Variants in STMN2 observed in about 807,000 individuals in gnomAD.
STMN2 encodes stathmin-2.
STMN2 carries 2 observed loss-of-function variants against 24.1 expected under a neutral mutation model. The observed-to-expected ratio is 0.08, with a 90% CI of 0.03 to 0.26. The LOEUF is 0.26. Ranked by LOEUF, STMN2 falls within the 10% of genes least tolerant of loss-of-function variation. The pLI is 1.00. For missense variants in STMN2, 114 were observed against 213.6 expected (o/e 0.53, Z 2.91); for synonymous variants, 83 against 77.5 (o/e 1.07, Z -0.37).
At chr8:79,622,516 T>G (rs981723095) in intron 1 of STMN2, among the ~76,000 whole-genome samples, 4 of 152,184 alleles carry the variant, frequency 2.6e-5, no homozygotes, top group African/African-American at 9.6e-5. Flanking sequence ...GCAGCCAATA[T>G]AGTATATCTC....
At chr8:79,658,856 A>G (rs956800059) in intron 4 of STMN2, among the ~76,000 whole-genome samples, 7 of 152,218 alleles carry the variant, frequency 4.6e-5, no homozygotes, top group Non-Finnish European at 7.3e-5. Flanking sequence ...CTGAAAGCCT[A>G]AAGCAAAAGC....
intron 3 of STMN2, among the ~76,000 whole-genome samples, chr8:79,649,341 A>T (rs1051152720): frequency 2.6e-5 from 4 of 152,122 alleles, no homozygotes; most frequent in African/African-American, 9.7e-5. Flanking sequence ...CCTAGGAGCT[A>T]ACCACAGTAA....
chr8:79,612,960 C>G (rs1403834014), intron 1 of STMN2, among the ~76,000 whole-genome samples: 3 of 152,138 alleles, frequency 2.0e-5, no homozygotes. Context: ...GCCCCAGCAC[C>G]GAGCCCCTCC....
At chr8:79,628,722 A>T (rs2201527) in intron 1 of STMN2, among the ~76,000 whole-genome samples, 100,724 of 151,934 alleles carry the variant, frequency 0.66, 33,999 homozygotes, top group African/African-American at 0.79. Flanking sequence ...AACTGTGTAT[A>T]CAGGAGAAAA....
chr8:79,617,147 A>G (rs1228993526), intron 1 of STMN2, among the ~76,000 whole-genome samples: 1 of 152,212 alleles, frequency 6.6e-6, no homozygotes, highest in Non-Finnish European at 1.5e-5. Context: ...GTATGACTGT[A>G]TATTTGAAAA....
chr8:79,615,708 T>C (rs1809367890), intron 1 of STMN2, among the ~76,000 whole-genome samples: 1 of 152,190 alleles, frequency 6.6e-6, no homozygotes, highest in Admixed American at 6.5e-5. Flanking sequence ...CCAGGAACAT[T>C]CAAGTGTTTA....
chr8:79,626,056 C>T (rs1170667944), intron 1 of STMN2, among the ~76,000 whole-genome samples: 1 of 152,184 alleles, frequency 6.6e-6, no homozygotes, highest in Non-Finnish European at 1.5e-5. Flanking sequence ...TTCAGTTTCT[C>T]AATACATTAC....
At chr8:79,628,786 A>G (rs1563437028) in intron 1 of STMN2, among the ~76,000 whole-genome samples, 1 of 152,234 alleles carries the variant, frequency 6.6e-6, no homozygotes, top group African/African-American at 2.4e-5. Context: ...AAAAATAGAA[A>G]AAATGGAAAA....
chr8:79,665,906 A>G lies in STMN2; in HGVS notation c.*1032A>G, dbSNP rs1323154312. The G allele has an allele frequency of 6.6e-6, 1 of 152,196 alleles. No homozygotes were observed. The highest frequency in any genetic ancestry group is 1.5e-5 in the Non-Finnish European group (1 of 68,046). The allele number at this position is 152,196 out of a possible 1,614,324, so 9.4% of individuals were successfully genotyped here. On this transcript the variant is annotated 3_prime_UTR_variant, in exon 5 of 5. Transcript: ENST00000220876. ...TCCCCAGTGTAAGGCAATCCTGCCT[A>G]CTAACAACACCAACAACAAAACACT...
intron 4 of STMN2, among the ~76,000 whole-genome samples, chr8:79,659,350 AAGAG>A (rs1806448064): frequency 6.6e-6 from 1 of 152,164 alleles, no homozygotes; most frequent in Admixed American, 6.6e-5. Flanking sequence ...GAGAAGTAGA[AAGAG>A]AGAGAAACAG....
intron 1 of STMN2, among the ~76,000 whole-genome samples, chr8:79,612,240 C>T (rs1221959980): frequency 3.3e-5 from 5 of 152,186 alleles, no homozygotes; most frequent in Non-Finnish European, 5.9e-5. Context: ...CCCGCCCTCC[C>T]CACGCTGGCC....
At chr8:79,645,705 C>G (rs1810203046) in intron 3 of STMN2, among the ~76,000 whole-genome samples, 1 of 127,014 alleles carries the variant, frequency 7.9e-6, no homozygotes, top group Non-Finnish European at 2.0e-5. Flanking sequence ...GTAATAGGAT[C>G]TTCTAAATCT....
intron 1 of STMN2, among the ~76,000 whole-genome samples, chr8:79,623,760 A>G: frequency 6.6e-6 from 1 of 152,182 alleles, no homozygotes; most frequent in Non-Finnish European, 1.5e-5. Context: ...ATATTGCACT[A>G]AGCAGGAGAG....
chr8:79,619,838 T>C (rs369156352), intron 1 of STMN2, among the ~76,000 whole-genome samples: 2 of 152,326 alleles, frequency 1.3e-5, no homozygotes, highest in South Asian at 2.1e-4. Context: ...ACATATTACA[T>C]GATCCTGCAC....
At chr8:79,613,961 A>G (rs1177173712) in intron 1 of STMN2, among the ~76,000 whole-genome samples, 2 of 152,166 alleles carry the variant, frequency 1.3e-5, no homozygotes, top group African/African-American at 4.8e-5. Context: ...TATATAATTG[A>G]GATGATCTTC....
intron 3 of STMN2, among the ~76,000 whole-genome samples, chr8:79,652,622 C>T (rs1810357928): frequency 1.3e-5 from 2 of 151,992 alleles, no homozygotes; most frequent in Admixed American, 6.6e-5. Context: ...ATCTCCTTGT[C>T]ACAAGTGTCT....
intron 4 of STMN2, among the ~76,000 whole-genome samples, chr8:79,663,859 C>T (rs916056670): frequency 6.6e-6 from 1 of 152,112 alleles, no homozygotes; most frequent in Non-Finnish European, 1.5e-5. Flanking sequence ...ATACTTCCTC[C>T]ATCAGTTCCC....
Position 79,654,239 on chromosome 8 carries a change from C to T in STMN2, c.289-632C>T, listed in dbSNP as rs560333771. 7.9e-5 allele frequency among the ~76,000 whole-genome samples: 12 copies of T among 152,062 alleles called. No homozygotes were observed. The East Asian group carries it at 2.3e-3, about 29-fold the overall frequency. On this transcript the variant is annotated intron_variant, in intron 3 of 4. Coordinates refer to ENST00000220876, the MANE Select transcript of STMN2 (RefSeq NM_007029.4). ...CATCTGGATCTAAATCACTGAGCAA[C>T]CACAGGGTTTCAAGAGAGGGTCAAA...
intron 4 of STMN2, among the ~76,000 whole-genome samples, chr8:79,656,579 A>G (rs1563448240): frequency 2.0e-5 from 3 of 152,124 alleles, no homozygotes; most frequent in African/African-American, 7.2e-5. Context: ...GTCTTCCTCC[A>G]TCTGCCACCA....
Sources: allele counts gnomAD v4.1 joint callset (sites outside exome capture counted in the v4.1 genomes callset), GRCh38; gene constraint gnomAD v4.1.1; transcripts MANE v1.5; gene names NCBI Gene and HGNC (gene_info 2026-07-23, HGNC 2026-07-21).